CMIP: variants seen among roughly 807,000 people sequenced by gnomAD.
CMIP encodes C-Maf-inducing protein.
CMIP carries 13 observed loss-of-function variants against 97.3 expected under a neutral mutation model. That is an observed-to-expected ratio of 0.13 (90% CI 0.09 to 0.21). The LOEUF is 0.21. CMIP is among the 10% of genes least tolerant of loss of function. CMIP has a pLI of 1.00. For synonymous variants in CMIP, 538 were observed against 436.3 expected, an observed-to-expected ratio of 1.23 and a Z score of -2.91; for missense variants, 847 against 1,024.9, an observed-to-expected ratio of 0.83 and a Z score of 2.37.
chr16:81,526,663 A>G (rs187602376), intron 1 of CMIP, among the ~76,000 whole-genome samples: 8 of 152,310 alleles, frequency 5.3e-5, no homozygotes, highest in Admixed American at 5.2e-4. Context: ...GATTACTCTA[A>G]GAAGGGGCCC....
intron 9 of CMIP, 144 bp from the exon 10 acceptor site, chr16:81,678,131 G>A (rs377216272): frequency 8.3e-4 from 567 of 680,550 alleles, no homozygotes; most frequent in Middle Eastern, 2.9e-3. Context: ...CTGAGCCTCA[G>A]TTTCCTCATT....
At chr16:81,607,499 T>C in intron 1 of CMIP, 68 bp from the exon 2 acceptor site, 1 of 1,583,524 alleles carries the variant, frequency 6.3e-7, no homozygotes, top group East Asian at 2.3e-5. Context: ...CAAAACCGTC[T>C]GAGATGCGGA....
At chr16:81,534,802 C>T (rs1437029800) in intron 1 of CMIP, among the ~76,000 whole-genome samples, 2 of 152,190 alleles carry the variant, frequency 1.3e-5, no homozygotes, top group Non-Finnish European at 2.9e-5. Flanking sequence ...CAATAGTGTG[C>T]CCTTTTCCCA....
chr16:81,514,920 G>A (rs2089883515), intron 1 of CMIP, among the ~76,000 whole-genome samples: 1 of 152,186 alleles, frequency 6.6e-6, no homozygotes, highest in African/African-American at 2.4e-5. Flanking sequence ...CAGACCAAGT[G>A]GGGCGCTGGG....
At chr16:81,641,134 A>T (rs958060042) in intron 3 of CMIP, among the ~76,000 whole-genome samples, 1 of 152,160 alleles carries the variant, frequency 6.6e-6, no homozygotes, top group African/African-American at 2.4e-5. Context: ...CTGAGCTGGA[A>T]TCTGCATGGT....
In CMIP at chr16:81,616,199, A is replaced by G. The variant is rs2091916005; in HGVS notation, c.427-4677A>G. Reference sequence around the variant, plus strand: ...ACACCAGGCTCACTGGAGCAGTCGCAGTTAATCCTACGTGGATCCTGCCTC... The same window carrying G: ...ACACCAGGCTCACTGGAGCAGTCGCGGTTAATCCTACGTGGATCCTGCCTC... On this transcript the variant is annotated intron_variant, in intron 2 of 20. Transcript: ENST00000537098. The surrounding 1 kb of genome is among the most constrained non-coding windows in gnomAD (Gnocchi z 4.7). Among the ~76,000 whole-genome samples, 1 of 149,018 alleles carries G rather than the reference A, an allele frequency of 6.7e-6. No individual in the cohort carries two copies. The highest frequency in any genetic ancestry group is 2.0e-4 in the East Asian group (1 of 5,106).
At chr16:81,562,724 C>G (rs572259456) in intron 1 of CMIP, among the ~76,000 whole-genome samples, 1 of 152,386 alleles carries the variant, frequency 6.6e-6, no homozygotes, top group East Asian at 1.9e-4. Context: ...TGGCACAGAG[C>G]CAGCACCGAA....
chr16:81,619,512 A>T (rs1014435549), intron 2 of CMIP: 1 of 152,132 alleles, frequency 6.6e-6, no homozygotes, highest in South Asian at 2.1e-4. Context: ...CAGAAGGTGG[A>T]TGTTCGTGCT....
chr16:81,699,885 G>C, intron 15 of CMIP, 84 bp downstream of exon 15: 1 of 964,564 alleles, frequency 1.0e-6, no homozygotes, highest in Non-Finnish European at 1.6e-6. Context: ...TGGGAGCCAG[G>C]AGCTGCTGCA....
rs1567557852 is a variant in CMIP, at chr16:81,522,740, CT to C, written c.300+77207del. Among the ~76,000 whole-genome samples, 7 of 151,842 alleles carry C rather than the reference CT, an allele frequency of 4.6e-5. No individual in the cohort carries two copies. The South Asian group carries it at 1.5e-3, about 32-fold the overall frequency. On this transcript the variant is annotated intron_variant, in intron 1 of 20. Coordinates refer to ENST00000537098, the MANE Select transcript of CMIP (RefSeq NM_198390.3). ...TAGTATGTTGTCCTCTTTGCTTTGC[CT>C]TTTTTTTAAGTGAAAGAAATAAAAC... is the stretch of plus-strand genomic sequence containing the variant.
intron 1 of CMIP, among the ~76,000 whole-genome samples, chr16:81,554,121 C>T (rs1379956100): frequency 6.6e-6 from 1 of 152,246 alleles, no homozygotes; most frequent in East Asian, 1.9e-4. Flanking sequence ...AGTTAATTGT[C>T]TTCCTTGCCA....
intron 1 of CMIP, among the ~76,000 whole-genome samples, chr16:81,594,338 T>C (rs114181174): frequency 0.017 from 2,552 of 151,412 alleles, 66 homozygotes; most frequent in African/African-American, 0.059. Flanking sequence ...AGGCTGGTCT[T>C]GAACTTAAGA....
At chr16:81,558,030 A>G (rs987230013) in intron 1 of CMIP, among the ~76,000 whole-genome samples, 4 of 152,146 alleles carry the variant, frequency 2.6e-5, no homozygotes, top group Admixed American at 6.5e-5. Context: ...CTTCTTGTAA[A>G]TGCAGTCACG....
intron 17 of CMIP, among the ~76,000 whole-genome samples, chr16:81,703,221 T>C (rs1220513586): frequency 2.0e-5 from 3 of 152,080 alleles, no homozygotes; most frequent in Non-Finnish European, 1.5e-5. Context: ...CTACTTGACA[T>C]GTCTACTTAC....
chr16:81,515,137 A>G (rs2089887788), intron 1 of CMIP, among the ~76,000 whole-genome samples: 1 of 152,214 alleles, frequency 6.6e-6, no homozygotes, highest in Non-Finnish European at 1.5e-5. Context: ...TCCCTGTGCC[A>G]GACCGTCTTC....
At chr16:81,664,679 T>C in intron 7 of CMIP, 1 of 544,200 alleles carries the variant, frequency 1.8e-6, no homozygotes, top group Non-Finnish European at 3.2e-6. Context: ...GACTTTGCAC[T>C]CCTTTAGTGT....
chr16:81,458,475 C>T (rs55968724), intron 1 of CMIP, among the ~76,000 whole-genome samples: 22,737 of 152,064 alleles, frequency 0.15, 1,837 homozygotes, highest in Non-Finnish European at 0.19. Context: ...GAGGGGATCC[C>T]GGCTGATCTC....
intron 1 of CMIP, among the ~76,000 whole-genome samples, chr16:81,572,539 T>A (rs2091111319): frequency 6.6e-6 from 1 of 152,228 alleles, no homozygotes; most frequent in Non-Finnish European, 1.5e-5. Context: ...CTGTTAGTTC[T>A]TTGTTTCCTT....
intron 1 of CMIP, among the ~76,000 whole-genome samples, chr16:81,587,736 C>T (rs1024554412): frequency 7.9e-5 from 12 of 152,230 alleles, no homozygotes; most frequent in Non-Finnish European, 1.8e-4. Flanking sequence ...GTCTCTCCCT[C>T]CTCCCCTGAC....
Sources: gnomAD v4.1 joint callset for allele counts (sites outside exome capture counted in the v4.1 genomes callset) on GRCh38, gnomAD v4.1.1 for gene constraint, Gnocchi (gnomAD v3.1) non-coding constraint, MANE v1.5 for transcripts, NCBI Gene and HGNC (gene_info 2026-07-23, HGNC 2026-07-21) for gene names.